RBFOX1: variants seen among roughly 807,000 people sequenced by gnomAD.
The protein encoded by RBFOX1 is RNA binding protein fox-1 homolog 1.
Under a neutral mutation model 57.7 loss-of-function variants are expected in RBFOX1, and 8 were observed. The ratio of observed to expected loss-of-function variants is 0.14; its 90% CI spans 0.08 to 0.25. The LOEUF (loss-of-function observed/expected upper bound fraction) is 0.25. Among genes scored for constraint, RBFOX1 ranks in the 10% least tolerant of loss-of-function variants. The pLI is 1.00. For synonymous variants in RBFOX1, 326 were observed against 222.4 expected, an observed-to-expected ratio of 1.47 and a Z score of -4.15; for missense variants, 611 against 548.5, an observed-to-expected ratio of 1.11 and a Z score of -1.14.
At position 7,525,474 on chromosome 16, in the gene RBFOX1, T is replaced by A. The variant is rs112111812; in HGVS notation, c.270+7085T>A. ...GTGAATGGCTAAAAGGTACATGGACTTAAGATGTGGACATTGATCAATTAC... is the reference window on the plus strand; with the variant it reads ...GTGAATGGCTAAAAGGTACATGGACATAAGATGTGGACATTGATCAATTAC... On this transcript the variant is annotated intron_variant, in intron 5 of 15. Coordinates refer to ENST00000550418, the MANE Select transcript of RBFOX1 (RefSeq NM_018723.4). Among the ~76,000 whole-genome samples, 4 of 152,254 alleles carry A rather than the reference T, an allele frequency of 2.6e-5. 1 individual carries two copies. Among genetic ancestry groups the A allele is most frequent in the African/African-American group, 9.6e-5 (4 of 41,556 alleles).
chr16:6,547,247 C>T lies in RBFOX1; in HGVS notation c.-63-107356C>T, dbSNP rs142385613. Among the ~76,000 whole-genome samples the T allele has an allele frequency of 4.9e-3, 749 of 152,254 alleles. 8 individuals are homozygous for T. The highest frequency in any genetic ancestry group is 0.017 in the African/African-American group (722 of 41,542). On this transcript the variant is annotated intron_variant, in intron 2 of 15. Coordinates refer to ENST00000550418, the MANE Select transcript of RBFOX1 (RefSeq NM_018723.4). ...CATATAGTATCTGTTTTTTCTTCCTCCTCTTTCTTCCTGGGAATCATTACC... is the reference window on the plus strand; with the variant it reads ...CATATAGTATCTGTTTTTTCTTCCTTCTCTTTCTTCCTGGGAATCATTACC...
At position 7,620,022 on chromosome 16, in the gene RBFOX1, T is replaced by G. The variant is rs376587288; in HGVS notation, c.677-10581T>G. Among the ~76,000 whole-genome samples, 4 of 152,224 alleles carry G rather than the reference T, an allele frequency of 2.6e-5. No individual in the cohort carries two copies. In the East Asian group the frequency reaches 5.8e-4, roughly 22 times the overall value. ...CCTAAGTTTAAGTGCTTGCAATTCA[T>G]TTAATACTAAAATATTTGCCATTAA... On this transcript the variant is annotated intron_variant, in intron 10 of 15. Transcript: ENST00000550418.
intron 2 of RBFOX1, among the ~76,000 whole-genome samples, chr16:6,544,612 G>A (rs1046391043): frequency 1.3e-5 from 2 of 152,060 alleles, no homozygotes; most frequent in Admixed American, 1.3e-4. Flanking sequence ...TAACTTCATG[G>A]GTGCATATAA....
chr16:7,579,627 T>A (rs2093599682), intron 5 of RBFOX1, 150 bp from the exon 6 acceptor site: 1 of 867,810 alleles, frequency 1.2e-6, no homozygotes, highest in Non-Finnish European at 1.8e-6. Flanking sequence ...ACTTGCTGAA[T>A]GAATGCATGC....
intron 3 of RBFOX1, among the ~76,000 whole-genome samples, chr16:6,662,820 G>T (rs1165271115): frequency 2.6e-5 from 4 of 152,014 alleles, no homozygotes; most frequent in African/African-American, 9.7e-5. Context: ...AAAAAATACT[G>T]TTCTTTCTGC....
At chr16:6,024,465 T>C (rs1316289774) in intron 1 of RBFOX1, among the ~76,000 whole-genome samples, 1 of 152,114 alleles carries the variant, frequency 6.6e-6, no homozygotes, top group Non-Finnish European at 1.5e-5. Context: ...ATCCATACAT[T>C]TATCCAATGA....
intron 2 of RBFOX1, among the ~76,000 whole-genome samples, chr16:5,552,732 C>T (rs1042770829): frequency 1.3e-5 from 2 of 152,140 alleles, no homozygotes; most frequent in Admixed American, 6.5e-5. Context: ...ATCCCATGAC[C>T]CAGTGGTGAG....
chr16:5,367,367 C>G (rs771778532), intron 1 of RBFOX1, among the ~76,000 whole-genome samples: 1 of 152,120 alleles, frequency 6.6e-6, no homozygotes. Flanking sequence ...GAGGATTACT[C>G]CTAGGTAGAG....
At chr16:6,109,996 A>G (rs1205089941) in intron 1 of RBFOX1, among the ~76,000 whole-genome samples, 2 of 152,142 alleles carry the variant, frequency 1.3e-5, no homozygotes, top group Non-Finnish European at 1.5e-5. Flanking sequence ...AATAATTACC[A>G]TTATTACTTT....
At chr16:5,595,881 G>A (rs7186290) in intron 2 of RBFOX1, among the ~76,000 whole-genome samples, 36,879 of 152,118 alleles carry the variant, frequency 0.24, 5,103 homozygotes, top group East Asian at 0.47. Context: ...GGGTTAGGGT[G>A]CATGTCTAGT....
chr16:7,239,182 C>G (rs1567845776), intron 4 of RBFOX1, among the ~76,000 whole-genome samples: 1 of 152,092 alleles, frequency 6.6e-6, no homozygotes, highest in Non-Finnish European at 1.5e-5. Flanking sequence ...GAGGCTACTT[C>G]TACCATTGAT....
At chr16:7,112,257 C>T (rs1220030440) in intron 4 of RBFOX1, among the ~76,000 whole-genome samples, 1 of 152,100 alleles carries the variant, frequency 6.6e-6, no homozygotes, top group African/African-American at 2.4e-5. Flanking sequence ...GGCTGGAGTG[C>T]AGTGGTGCAA....
At chr16:5,958,561 A>G (rs2059691083) in intron 4 of RBFOX1, among the ~76,000 whole-genome samples, 1 of 152,244 alleles carries the variant, frequency 6.6e-6, no homozygotes, top group Non-Finnish European at 1.5e-5. Context: ...TGATAAGAGC[A>G]GGTGAGGATT....
intron 3 of RBFOX1, among the ~76,000 whole-genome samples, chr16:6,932,295 C>A (rs1003246475): frequency 6.6e-6 from 1 of 151,988 alleles, no homozygotes; most frequent in Non-Finnish European, 1.5e-5. Context: ...TCAGTAGAGA[C>A]GGGGTTTCAC....
chr16:6,925,455 CATTTATTT>C (rs35991387), intron 3 of RBFOX1, among the ~76,000 whole-genome samples: 23 of 147,470 alleles, frequency 1.6e-4, no homozygotes, highest in African/African-American at 5.3e-4. Context: ...ATGGACTCCA[CATTTATTT>C]ATTTATTTAT....
At chr16:7,342,880 G>T (rs1031510943) in intron 4 of RBFOX1, among the ~76,000 whole-genome samples, 1 of 152,136 alleles carries the variant, frequency 6.6e-6, no homozygotes, top group Non-Finnish European at 1.5e-5. Flanking sequence ...TGCATCAGGG[G>T]GCCATGTCAT....
chr16:7,009,854 G>A (rs575040253), intron 3 of RBFOX1, among the ~76,000 whole-genome samples: 2 of 152,250 alleles, frequency 1.3e-5, no homozygotes, highest in African/African-American at 2.4e-5. Flanking sequence ...AGCAAACTAC[G>A]AATATTAAAA....
chr16:5,715,293 G>C (rs1218776434), intron 3 of RBFOX1, among the ~76,000 whole-genome samples: 1 of 152,160 alleles, frequency 6.6e-6, no homozygotes, highest in African/African-American at 2.4e-5. Flanking sequence ...TGATTAAACT[G>C]TAAATTGTGG....
intron 5 of RBFOX1, among the ~76,000 whole-genome samples, chr16:7,562,853 A>G (rs922703744): frequency 6.6e-6 from 1 of 152,242 alleles, no homozygotes; most frequent in African/African-American, 2.4e-5. Flanking sequence ...ATACTGGACC[A>G]CAGATGTGTA....
Sources: allele counts gnomAD v4.1 joint callset (sites outside exome capture counted in the v4.1 genomes callset), GRCh38; gene constraint gnomAD v4.1.1; transcripts MANE v1.5; gene names NCBI Gene and HGNC (gene_info 2026-07-23, HGNC 2026-07-21).